COL12A1: variants seen among roughly 807,000 people sequenced by gnomAD.
COL12A1 encodes the protein collagen type XII alpha 1 chain.
In COL12A1, 114 loss-of-function variants were observed where a neutral mutation model predicts 349.7. The observed-to-expected ratio is 0.33, with a 90% CI of 0.28 to 0.38. The LOEUF is 0.38. Among genes scored for constraint, COL12A1 ranks in the 10% least tolerant of loss-of-function variants. The pLI is 1.00. For synonymous variants in COL12A1, 1,369 were observed against 1,329.0 expected (o/e 1.03, Z -0.66); for missense variants, 3,284 against 3,756.9 (o/e 0.87, Z 3.29).
At chr6:75,130,726 A>G (rs1208467690) in intron 36 of COL12A1, 126 bp downstream of exon 36, 17 of 1,222,270 alleles carry the variant, frequency 1.4e-5, no homozygotes, top group Admixed American at 1.2e-4. Flanking sequence ...CTGGAATGTA[A>G]ATGTAGGGGA....
intron 53 of COL12A1, among the ~76,000 whole-genome samples, chr6:75,105,555 C>T (rs1280473098): frequency 1.3e-5 from 2 of 152,068 alleles, no homozygotes; most frequent in Admixed American, 6.6e-5. Context: ...TTCCTCTAAT[C>T]CAGTGTTAGA....
At chr6:75,143,119 C>T (rs1284853513) in intron 26 of COL12A1, 133 bp downstream of exon 26, 1 of 1,004,302 alleles carries the variant, frequency 1.0e-6, no homozygotes, top group Non-Finnish European at 1.5e-6. Flanking sequence ...TTATTAATAT[C>T]ACAAGTTTTC....
intron 53 of COL12A1, 127 bp downstream of exon 53, chr6:75,106,292 A>G: frequency 1.3e-6 from 1 of 758,778 alleles, no homozygotes; most frequent in Admixed American, 2.3e-5. Context: ...GAGCACCCAC[A>G]CATTGCGTGT....
chr6:75,129,949 C>CA (rs1766219303), intron 37 of COL12A1, 142 bp downstream of exon 37: 1 of 941,878 alleles, frequency 1.1e-6, no homozygotes, highest in Non-Finnish European at 1.6e-6. Flanking sequence ...TTTGGGTGGT[C>CA]CCAACGTCAT....
Position 75,189,623 on chromosome 6 carries a change from T to C in COL12A1, c.587A>G (p.Gln196Arg), listed in dbSNP as rs1562310119. ...AAGAAGTTCATCCCTTTGGTAGTAC[T>C]GATTTAAGTTAAATTCAGTCCTGGT... is the stretch of plus-strand genomic sequence containing the variant. ...SDTRTEFNLN[Q>R]YYQRDELLAA... is the part of the protein sequence containing the mutation. The change falls in exon 6 of 66, where the codon CAG becomes CGG. Residue 196 changes from glutamine to arginine, a missense_variant. Around this residue, in one of 2 missense-constraint regions of COL12A1, gnomAD observed 2,601 missense variants for 2,824.8 expected, o/e 0.92. Coordinates refer to ENST00000322507, the MANE Select transcript of COL12A1 (RefSeq NM_004370.6). The C allele has an allele frequency of 6.2e-7, 1 of 1,613,332 alleles. No homozygotes were observed. The highest frequency in any genetic ancestry group is 1.7e-5 in the Admixed American group (1 of 59,922).
intron 15 of COL12A1, 148 bp from the exon 16 acceptor site, chr6:75,156,002 A>G: frequency 4.3e-6 from 4 of 939,394 alleles, no homozygotes; most frequent in Non-Finnish European, 4.6e-6. Flanking sequence ...TCCAGATAAC[A>G]GAGTGCTAGC....
chr6:75,109,374 G>A lies in COL12A1; in HGVS notation c.7951-207C>T, dbSNP rs1768720946. 1.3e-5 allele frequency among the ~76,000 whole-genome samples: 2 copies of A among 151,968 alleles called. 1 individual carries two copies. The highest frequency in any genetic ancestry group is 4.8e-5 in the African/African-American group (2 of 41,374). ...AATTAGACAAGCCACTTAACCTCTG[G>A]TCTCAGTTTCCTACAAACACATACA... On this transcript the variant is annotated intron_variant, in intron 51 of 65. Transcript: ENST00000322507.
At position 75,133,723 on chromosome 6, in the gene COL12A1, C is replaced by T. The variant is rs188775123; in HGVS notation, c.5664+135G>A. The stretch of plus-strand genomic sequence containing the variant: ...GGCTCTAAGGCATCAACTATTTACC[C>T]TCTATAAAGTCTTATTAAATGAATA... On this transcript the variant is annotated intron_variant, in intron 33 of 65. Coordinates refer to ENST00000322507, the MANE Select transcript of COL12A1 (RefSeq NM_004370.6). 1.0e-4 allele frequency: 106 copies of T among 1,035,316 alleles called. No individual in the cohort carries two copies. In the African/African-American group the frequency reaches 1.5e-3, roughly 15 times the overall value. 64.1% of individuals were successfully genotyped at this position (1,035,316 alleles called of 1,614,324 possible).
rs754929219 is a variant in COL12A1, at chr6:75,130,853, C to G, written c.6066G>C (p.Thr2022=). 1 of 1,613,992 alleles carries G rather than the reference C, an allele frequency of 6.2e-7. No individual in the cohort carries two copies. The stretch of plus-strand genomic sequence containing the variant: ...ATGGAGAAAGGATTTCTGCCTCACG[C>G]GTTCGGCCCTGGGCAGGGCTGGGAT... ...EGNPSPAQGR[T]LPRSGPRNLR... The change falls in exon 36 of 66, where the codon ACG becomes ACC. Residue 2022 remains threonine, a splice_region_variant and synonymous_variant. Transcript: ENST00000322507.
chr6:75,133,317 G>A lies in COL12A1; in HGVS notation c.5770C>T (p.Arg1924Cys), dbSNP rs775862147. The A allele has an allele frequency of 5.3e-5, 84 of 1,597,888 alleles. No individual in the cohort carries two copies. Among genetic ancestry groups the A allele is most frequent in the African/African-American group, 1.5e-4 (11 of 74,248 alleles). ...CATGTCCTTCCAGTATCTGATGTGC[G>A]TCCCCCATCACCTTCAGTATAAACG... Reference protein sequence around the residue: ...VPVYTEGDGGRTSDTGRTLMR... With the variant: ...VPVYTEGDGGCTSDTGRTLMR... The change falls in exon 34 of 66, where the codon CGC becomes TGC. Residue 1924 changes from arginine (R) to cysteine (C), a missense_variant. By Grantham distance (180) the Arg-to-Cys change is radical. This residue lies in a region of COL12A1 where 2,601 missense variants were observed against 2,824.8 expected (regional missense o/e 0.92). Transcript: ENST00000322507.
At position 75,090,021 on chromosome 6, in the gene COL12A1, G is replaced by A; in HGVS notation, c.8941+89C>T. 2 of 1,431,596 alleles carry A rather than the reference G, an allele frequency of 1.4e-6. No homozygotes were observed. The highest frequency in any genetic ancestry group is 2.3e-5 in the East Asian group (1 of 43,492). 88.7% of individuals were successfully genotyped at this position (1,431,596 alleles called of 1,614,324 possible). On this transcript the variant is annotated intron_variant, in intron 63 of 65. Coordinates refer to ENST00000322507, the MANE Select transcript of COL12A1 (RefSeq NM_004370.6). This position sits in a 1 kb window ranked among gnomAD's most constrained non-coding sequence, Gnocchi z 4.1. ...AAGACCAGGGAAAGCAGTTTGCCTA[G>A]GTCACCTTTCAGATGCCTTCAACCT... is the stretch of plus-strand genomic sequence containing the variant.
chr6:75,177,979 T>A, intron 11 of COL12A1, 44 bp from the exon 12 acceptor site: 1 of 1,520,866 alleles, frequency 6.6e-7, no homozygotes, highest in Non-Finnish European at 8.8e-7. Context: ...ATAAATTGAC[T>A]GACTTTATAT....
At chr6:75,097,441 C>A in intron 58 of COL12A1, 135 bp from the exon 59 acceptor site, 2 of 528,486 alleles carry the variant, frequency 3.8e-6, no homozygotes, top group East Asian at 3.1e-5. Flanking sequence ...GGTAAGCTTT[C>A]AATAAAAAGA....
In COL12A1 at chr6:75,165,476, C is replaced by A. The variant is rs376256767; in HGVS notation, c.2983+31G>T. On this transcript the variant is annotated intron_variant, in intron 14 of 65. Transcript: ENST00000322507. ...TGATAACTATTGGGTAGCACCGGCA[C>A]ACACCCAAACACACCCATAATGTTA... 12 of 1,604,332 alleles carry A rather than the reference C, an allele frequency of 7.5e-6. No individual in the cohort carries two copies. The African/African-American group carries it at 1.6e-4, about 21-fold the overall frequency.
In COL12A1 at chr6:75,117,387, G is replaced by C. The variant is rs1179012705; in HGVS notation, c.7514C>G (p.Thr2505Ser). ...CCATGTTGACTGTGACTTACTTGAA[G>C]TGGCAGTTTCACAAACAAATGTAAT... ...NLITFVCETA[T>S]SSCPLIYLDG... is the part of the protein sequence containing the mutation. Residue 2505 changes from threonine (T) to serine (S), a missense_variant, in exon 47 of 66, where the codon ACT becomes AGT. Around this residue, in one of 2 missense-constraint regions of COL12A1, gnomAD observed 683 missense variants for 932.1 expected, o/e 0.73. Transcript: ENST00000322507. The C allele has an allele frequency of 6.2e-7, 1 of 1,612,968 alleles. No homozygotes were observed. The highest frequency in any genetic ancestry group is 8.5e-7 in the Non-Finnish European group (1 of 1,179,316).
chr6:75,130,733 G>C, intron 36 of COL12A1, 119 bp downstream of exon 36: 1 of 1,288,690 alleles, frequency 7.8e-7, no homozygotes, highest in Non-Finnish European at 1.1e-6. Flanking sequence ...GTAAATGTAG[G>C]GGATCCCAGG....
At chr6:75,173,666 C>A (rs544419208) in intron 13 of COL12A1, among the ~76,000 whole-genome samples, 1 of 152,196 alleles carries the variant, frequency 6.6e-6, no homozygotes, top group Non-Finnish European at 1.5e-5. Flanking sequence ...TGAGCCACCA[C>A]GCCTGCCCGA....
intron 25 of COL12A1, among the ~76,000 whole-genome samples, chr6:75,144,111 C>G (rs538096878): frequency 1.6e-4 from 24 of 152,316 alleles, no homozygotes; most frequent in Admixed American, 2.0e-4. Flanking sequence ...TCCATCTCTT[C>G]AACATTTTTA....
chr6:75,176,899 T>C (rs1172623662), intron 12 of COL12A1, among the ~76,000 whole-genome samples: 1 of 152,142 alleles, frequency 6.6e-6, no homozygotes, highest in East Asian at 1.9e-4. Context: ...TTTCCCCCAA[T>C]GAAATCACGT....
Sources: gnomAD v4.1 joint callset for allele counts (sites outside exome capture counted in the v4.1 genomes callset) on GRCh38, gnomAD v4.1.1 for gene constraint, gnomAD v4.1.1 regional missense constraint, Gnocchi (gnomAD v3.1) non-coding constraint, MANE v1.5 for transcripts, NCBI Gene and HGNC (gene_info 2026-07-23, HGNC 2026-07-21) for gene names.